Variants in ADGRL3 observed in about 807,000 individuals in gnomAD.
ADGRL3 encodes the protein calcium-independent alpha-latrotoxin receptor 3.
ADGRL3 carries 62 observed loss-of-function variants against 153.5 expected under a neutral mutation model. The ratio of observed to expected loss-of-function variants is 0.40; its 90% CI spans 0.33 to 0.50. The LOEUF is 0.50. Ranked by LOEUF, ADGRL3 falls within the 20% of genes least tolerant of loss-of-function variation. The probability of loss-of-function intolerance (pLI) is 0.47; values close to 1 mark genes in which losing one functional copy is unlikely to be tolerated. For synonymous variants in ADGRL3, 710 were observed against 672.5 expected, an observed-to-expected ratio of 1.06 and a Z score of -0.86; for missense variants, 1,641 against 1,859.4, an observed-to-expected ratio of 0.88 and a Z score of 2.16.
chr4:61,472,300 A>G (rs1006230901), intron 2 of ADGRL3, among the ~76,000 whole-genome samples: 3 of 152,126 alleles, frequency 2.0e-5, no homozygotes, highest in Admixed American at 6.6e-5. Context: ...ATATGATCTT[A>G]TATTTTCTAT....
In ADGRL3 at chr4:61,881,957, G is replaced by T. The variant is rs1005982426; in HGVS notation, c.1481-10699G>T. Among the ~76,000 whole-genome samples the T allele has an allele frequency of 2.6e-5, 4 of 152,096 alleles. No individual in the cohort carries two copies. In the East Asian group the frequency reaches 7.7e-4, roughly 29 times the overall value. On this transcript the variant is annotated intron_variant, in intron 9 of 26. Transcript: ENST00000683033. Reference sequence around the variant, plus strand: ...CTTAACGCCCTTGGTATGTTTTGTTGTTCACTGAGAAATCTGTCAACTCTG... The same window carrying T: ...CTTAACGCCCTTGGTATGTTTTGTTTTTCACTGAGAAATCTGTCAACTCTG...
intron 25 of ADGRL3, among the ~76,000 whole-genome samples, chr4:62,050,847 G>T (rs1409620280): frequency 6.6e-6 from 1 of 151,608 alleles, no homozygotes; most frequent in Non-Finnish European, 1.5e-5. Context: ...TATGAAATTT[G>T]CAAAAACAGT....
Position 61,934,912 on chromosome 4 carries a change from G to T in ADGRL3, c.2185G>T (p.Asp729Tyr). 1 of 1,613,818 alleles carries T rather than the reference G, an allele frequency of 6.2e-7. No individual in the cohort carries two copies. Among genetic ancestry groups the T allele is most frequent in the Middle Eastern group, 1.6e-4 (1 of 6,062 alleles). Residue 729 changes from aspartate (D) to tyrosine (Y), a missense_variant, in exon 14 of 27, where the codon GAT (aspartate) becomes TAT (tyrosine). By Grantham distance (160) the Asp-to-Tyr change is radical. Around this residue, in one of 5 missense-constraint regions of ADGRL3, gnomAD observed 734 missense variants for 797.0 expected, o/e 0.92. Coordinates refer to ENST00000683033, the MANE Select transcript of ADGRL3 (RefSeq NM_001387552.1). ...TGCATGGAGAGACCTGACTACGAGT[G>T]ATCAGCTGCGTGCGGCCACCATGTT... ...LNAWRDLTTS[D>Y]QLRAATMLLH...
chr4:61,694,341 T>C (rs1454125346), intron 6 of ADGRL3, among the ~76,000 whole-genome samples: 1 of 151,808 alleles, frequency 6.6e-6, no homozygotes. Flanking sequence ...CTTTTAAATA[T>C]AGGCATACTT....
At chr4:61,820,562 G>C (rs1430529929) in intron 9 of ADGRL3, among the ~76,000 whole-genome samples, 1 of 152,044 alleles carries the variant, frequency 6.6e-6, no homozygotes, top group Admixed American at 6.6e-5. Context: ...TTTTTAAAAA[G>C]CTTCTTCTCA....
chr4:61,925,686 A>C (rs2150035477), intron 13 of ADGRL3, among the ~76,000 whole-genome samples: 1 of 152,244 alleles, frequency 6.6e-6, no homozygotes, highest in African/African-American at 2.4e-5. Context: ...AGATCTCGCA[A>C]GAACTCACTC....
intron 2 of ADGRL3, among the ~76,000 whole-genome samples, chr4:61,448,650 T>C (rs2097619410): frequency 6.6e-6 from 1 of 151,576 alleles, no homozygotes; most frequent in South Asian, 2.1e-4. Flanking sequence ...GATTCAAATA[T>C]ATATCATTAG....
intron 1 of ADGRL3, among the ~76,000 whole-genome samples, chr4:61,235,116 C>T (rs1367547999): frequency 1.3e-5 from 2 of 152,078 alleles, no homozygotes; most frequent in African/African-American, 2.4e-5. Context: ...AAATGAGAAA[C>T]GACCTCTTTG....
rs75961544 is a variant in ADGRL3 at position 61,807,878 on chromosome 4, C to T, written c.1400-5931C>T. On this transcript the variant is annotated intron_variant, in intron 8 of 26. Transcript: ENST00000683033. Reference sequence around the variant, plus strand: ...TTGATTGTTAAAGCTGAGTGATAAGCGTGTACTTTTATTTTTTATTTTATT... The same window carrying T: ...TTGATTGTTAAAGCTGAGTGATAAGTGTGTACTTTTATTTTTTATTTTATT... Among the ~76,000 whole-genome samples, 1,130 of 152,044 alleles carry T rather than the reference C, an allele frequency of 7.4e-3. 12 individuals are homozygous for T. The highest frequency in any genetic ancestry group is 0.026 in the African/African-American group (1,078 of 41,474).
At chr4:61,229,417 ATT>A (rs1749531567) in intron 1 of ADGRL3, among the ~76,000 whole-genome samples, 1 of 152,086 alleles carries the variant, frequency 6.6e-6, no homozygotes, top group South Asian at 2.1e-4. Context: ...TATTAGCTTT[ATT>A]GTATGTTTTG....
chr4:61,245,514 C>G (rs922709228), intron 1 of ADGRL3, among the ~76,000 whole-genome samples: 47 of 152,178 alleles, frequency 3.1e-4, no homozygotes, highest in Non-Finnish European at 3.2e-4. Flanking sequence ...GTGTACAACA[C>G]AAGAGGCATT....
intron 1 of ADGRL3, among the ~76,000 whole-genome samples, chr4:61,354,080 C>T (rs2096112896): frequency 6.6e-6 from 1 of 152,144 alleles, no homozygotes; most frequent in East Asian, 1.9e-4. Flanking sequence ...TGGTTGCTTA[C>T]TATGTTCCGT....
At chr4:61,232,912 T>TTG (rs1751350117) in intron 1 of ADGRL3, among the ~76,000 whole-genome samples, 1 of 152,162 alleles carries the variant, frequency 6.6e-6, no homozygotes, top group Non-Finnish European at 1.5e-5. Flanking sequence ...GGACTTTGAC[T>TTG]TACCCAACAT....
intron 3 of ADGRL3, among the ~76,000 whole-genome samples, chr4:61,498,190 A>C (rs2098341983): frequency 6.6e-6 from 1 of 152,126 alleles, no homozygotes; most frequent in South Asian, 2.1e-4. Context: ...CACAAACTAT[A>C]ACCTCCCAAT....
chr4:61,481,340 A>G (rs1349768516), intron 2 of ADGRL3, among the ~76,000 whole-genome samples: 1 of 152,156 alleles, frequency 6.6e-6, no homozygotes, highest in East Asian at 1.9e-4. Context: ...TGAGGATGCC[A>G]GTATTTAGGG....
intron 2 of ADGRL3, among the ~76,000 whole-genome samples, chr4:61,391,929 G>T (rs557105054): frequency 7.3e-6 from 1 of 137,252 alleles, no homozygotes; most frequent in Admixed American, 8.1e-5. Context: ...GCGCGAGCTC[G>T]CCTCACTGCA....
intron 2 of ADGRL3, among the ~76,000 whole-genome samples, chr4:61,445,649 C>G (rs900818728): frequency 2.6e-5 from 4 of 152,166 alleles, no homozygotes; most frequent in African/African-American, 4.8e-5. Flanking sequence ...GTCTCTCCTT[C>G]ATTGTAGATC....
At chr4:61,511,267 G>A (rs113857187) in intron 3 of ADGRL3, among the ~76,000 whole-genome samples, 13 of 152,234 alleles carry the variant, frequency 8.5e-5, no homozygotes, top group African/African-American at 3.1e-4. Context: ...TACTCGGGAC[G>A]TTGCAGTAGG....
intron 9 of ADGRL3, among the ~76,000 whole-genome samples, chr4:61,823,647 C>T (rs915247128): frequency 2.6e-5 from 4 of 152,016 alleles, no homozygotes; most frequent in African/African-American, 7.3e-5. Context: ...AAAGGTAAGA[C>T]AGATAATACT....
Sources: gnomAD v4.1 joint callset for allele counts (sites outside exome capture counted in the v4.1 genomes callset) on GRCh38, gnomAD v4.1.1 for gene constraint, gnomAD v4.1.1 regional missense constraint, MANE v1.5 for transcripts, NCBI Gene and HGNC (gene_info 2026-07-23, HGNC 2026-07-21) for gene names.